The following CSGALNACT1 variants were observed in gnomAD, a reference collection of about 807,000 sequenced individuals.
The protein encoded by CSGALNACT1 is beta4GalNAcT-1.
Under a neutral mutation model 51.0 loss-of-function variants are expected in CSGALNACT1, and 52 were observed. The observed-to-expected ratio is 1.02, with a 90% confidence interval of 0.82 to 1.29. CSGALNACT1 has a LOEUF of 1.29. Among genes scored for constraint, CSGALNACT1 ranks in the 50% most tolerant of loss-of-function variants. The pLI, the probability that CSGALNACT1 is intolerant of heterozygous loss-of-function variation, is 0.00. For synonymous variants in CSGALNACT1, 341 were observed against 254.4 expected, an observed-to-expected ratio of 1.34 and a Z score of -3.24; for missense variants, 935 against 679.2, an observed-to-expected ratio of 1.38 and a Z score of -4.19.
chr8:19,406,015 C>T lies in CSGALNACT1; in HGVS notation c.1364G>A (p.Arg455His), dbSNP rs148967858. 2.8e-5 allele frequency: 46 copies of T among 1,614,076 alleles called. No homozygotes were observed. The East Asian group carries it at 2.9e-4, about 10-fold the overall frequency. ...TATGAGGTTGCTGTGGAGATACTTG[C>T]GATAAAGGTGCACATCCTCTCCGCC... The change falls in exon 10 of 10, where the codon CGC (arginine) becomes CAC (histidine). Residue 455 changes from arginine to histidine, a missense_variant. Physicochemically the swap from Arg to His is conservative, Grantham distance 29. Transcript: ENST00000454498.
intron 1 of CSGALNACT1, among the ~76,000 whole-genome samples, chr8:19,714,433 C>T (rs1031711993): frequency 6.6e-6 from 1 of 152,022 alleles, no homozygotes; most frequent in Non-Finnish European, 1.5e-5. Flanking sequence ...TCTCAGCCAC[C>T]ATTTCTTTAA....
chr8:19,434,989 T>C (rs1013197594), intron 6 of CSGALNACT1, among the ~76,000 whole-genome samples: 4 of 151,998 alleles, frequency 2.6e-5, no homozygotes, highest in Non-Finnish European at 2.9e-5. Flanking sequence ...GACACAAACA[T>C]TGCAAGGTGG....
At chr8:19,629,315 G>A (rs1377990658) in intron 1 of CSGALNACT1, among the ~76,000 whole-genome samples, 3 of 152,240 alleles carry the variant, frequency 2.0e-5, no homozygotes, top group Non-Finnish European at 4.4e-5. Context: ...AAAACTGGCA[G>A]TTCATTGTAC....
upstream of CSGALNACT1, among the ~76,000 whole-genome samples, chr8:19,607,465 T>A (rs28690902): frequency 0.15 from 22,315 of 152,180 alleles, 1,935 homozygotes; most frequent in African/African-American, 0.25. Flanking sequence ...AGACAGCTGA[T>A]GGACCTCCGT....
At chr8:19,426,133 A>C (rs1252731754) in intron 6 of CSGALNACT1, among the ~76,000 whole-genome samples, 1 of 152,212 alleles carries the variant, frequency 6.6e-6, no homozygotes, top group Non-Finnish European at 1.5e-5. Flanking sequence ...ACACGGGGTG[A>C]CCAATATCCA....
At chr8:19,542,200 AACACACACACACACACACACACAC>A (rs55968136) in intron 3 of CSGALNACT1, among the ~76,000 whole-genome samples, 2 of 144,040 alleles carry the variant, frequency 1.4e-5, no homozygotes, top group African/African-American at 5.1e-5. Flanking sequence ...CAGCACAAGA[AACACACACACACACACACACACAC>A]ACACACACAC....
chr8:19,490,058 C>A (rs971016010), intron 4 of CSGALNACT1, among the ~76,000 whole-genome samples: 2 of 152,154 alleles, frequency 1.3e-5, no homozygotes, highest in South Asian at 4.1e-4. Flanking sequence ...CTTTTGATGG[C>A]CCCCAAATAT....
chr8:19,666,941 GAAAAAGAA>G lies in CSGALNACT1; in HGVS notation c.-544+15524_-544+15531del, dbSNP rs1564384758. On this transcript the variant is annotated intron_variant, in intron 1 of 9. Coordinates refer to the CSGALNACT1 transcript ENST00000332246. ...AGGAAGGGAGAGACAGAGAGAGAGA[GAAAAAGAA>G]AGAAAGAAAGAAAGAAAGAAAGAAA... Among the ~76,000 whole-genome samples, 21 of 114,494 alleles carry G rather than the reference GAAAAAGAA, an allele frequency of 1.8e-4. 1 individual carries two copies. Among genetic ancestry groups the G allele is most frequent in the Non-Finnish European group, 2.9e-4 (16 of 55,384 alleles). The allele number at this position is 114,494 out of a possible 152,430, so 75.1% of individuals were successfully genotyped here.
At chr8:19,657,374 T>C (rs2058376495) in intron 1 of CSGALNACT1, among the ~76,000 whole-genome samples, 1 of 151,932 alleles carries the variant, frequency 6.6e-6, no homozygotes, top group Non-Finnish European at 1.5e-5. Flanking sequence ...AAGGAAAGAA[T>C]GGATCAGAGG....
At chr8:19,582,594 A>G (rs2045812720) in intron 3 of CSGALNACT1, among the ~76,000 whole-genome samples, 1 of 152,188 alleles carries the variant, frequency 6.6e-6, no homozygotes, top group South Asian at 2.1e-4. Context: ...AGATAGACAC[A>G]TGACCCAGTC....
intron 1 of CSGALNACT1, among the ~76,000 whole-genome samples, chr8:19,727,571 G>A (rs964095712): frequency 6.6e-6 from 1 of 152,126 alleles, no homozygotes; most frequent in Non-Finnish European, 1.5e-5. Flanking sequence ...GGCTGGTCTC[G>A]AACTCCTGGG....
At position 19,615,782 on chromosome 8, in the gene CSGALNACT1, T is replaced by C. The variant is rs1377500230; in HGVS notation, c.-543-13917A>G. Among the ~76,000 whole-genome samples, 7 of 152,014 alleles carry C rather than the reference T, an allele frequency of 4.6e-5. No individual in the cohort carries two copies. The East Asian group carries it at 5.8e-4, about 13-fold the overall frequency. ...GCAAGATGTATCCAGAAAATGCAAA[T>C]GAGAAGAAAAGATGAATGACAACAT... On this transcript the variant is annotated intron_variant, in intron 1 of 9. Coordinates refer to the CSGALNACT1 transcript ENST00000332246.
intron 5 of CSGALNACT1, among the ~76,000 whole-genome samples, chr8:19,453,723 C>G (rs1037086386): frequency 6.6e-6 from 1 of 152,058 alleles, no homozygotes; most frequent in African/African-American, 2.4e-5. Context: ...ACCAGCCTGG[C>G]GAACATGGTG....
intron 5 of CSGALNACT1, 69 bp from the exon 5 acceptor site, chr8:19,440,000 C>G: frequency 7.5e-7 from 1 of 1,332,354 alleles, no homozygotes; most frequent in Non-Finnish European, 1.1e-6. Context: ...AAACCAATAC[C>G]TTTTTGTAAA....
intron 3 of CSGALNACT1, among the ~76,000 whole-genome samples, chr8:19,570,274 GTTTTAATCA>G (rs2042736604): frequency 6.6e-6 from 1 of 152,034 alleles, no homozygotes; most frequent in African/African-American, 2.4e-5. Flanking sequence ...CTTAATATTC[GTTTTAATCA>G]TTTTAATTAT....
intron 3 of CSGALNACT1, among the ~76,000 whole-genome samples, chr8:19,565,359 G>C (rs1244050477): frequency 2.0e-5 from 3 of 152,308 alleles, no homozygotes; most frequent in East Asian, 3.9e-4. Flanking sequence ...TCCAGGCAGT[G>C]TAGCAGGACT....
intron 3 of CSGALNACT1, among the ~76,000 whole-genome samples, chr8:19,526,632 C>T (rs1363076096): frequency 6.6e-6 from 1 of 151,916 alleles, no homozygotes; most frequent in Non-Finnish European, 1.5e-5. Context: ...AAGAGAAATG[C>T]TTATTTGACT....
intron 1 of CSGALNACT1, among the ~76,000 whole-genome samples, chr8:19,742,087 C>T (rs1310707980): frequency 6.6e-6 from 1 of 152,318 alleles, no homozygotes; most frequent in East Asian, 1.9e-4. Context: ...AACTGGCATA[C>T]ACTAGGCAAA....
intron 7 of CSGALNACT1, 70 bp downstream of exon 6, chr8:19,420,270 A>G: frequency 7.1e-7 from 1 of 1,414,980 alleles, no homozygotes; most frequent in Non-Finnish European, 1.0e-6. Flanking sequence ...TGACTGACCC[A>G]TCAAGAGGAC....
Sources: gnomAD v4.1 joint callset for allele counts (sites outside exome capture counted in the v4.1 genomes callset) on GRCh38, gnomAD v4.1.1 for gene constraint, MANE v1.5 for transcripts, NCBI Gene and HGNC (gene_info 2026-07-23, HGNC 2026-07-21) for gene names.